The following NFIB variants were observed in gnomAD, a reference collection of about 807,000 sequenced individuals.
The protein encoded by NFIB is nuclear factor 1 B-type.
Under a neutral mutation model 61.5 loss-of-function variants are expected in NFIB, and 11 were observed. The observed-to-expected ratio is 0.18, with a 90% confidence interval of 0.11 to 0.30. NFIB has a LOEUF of 0.30. NFIB is among the 10% of genes least tolerant of loss of function. The pLI, the probability that NFIB is intolerant of heterozygous loss-of-function variation, is 1.00. For missense variants in NFIB, 471 were observed against 608.9 expected (o/e 0.77, Z 2.38); for synonymous variants, 260 against 216.5 (o/e 1.20, Z -1.76).
intron 1 of NFIB, among the ~76,000 whole-genome samples, chr9:14,386,184 C>T (rs1169454926): frequency 6.6e-6 from 1 of 152,108 alleles, no homozygotes; most frequent in African/African-American, 2.4e-5. Flanking sequence ...TACACTTGTC[C>T]AAAATTTAAA....
At chr9:14,333,584 G>A (rs540948751) in intron 1 of NFIB, among the ~76,000 whole-genome samples, 2 of 152,260 alleles carry the variant, frequency 1.3e-5, no homozygotes, top group South Asian at 4.1e-4. Flanking sequence ...TCACTGAAAA[G>A]AGTCACTTCA....
chr9:14,298,647 C>T (rs568980091), intron 2 of NFIB, among the ~76,000 whole-genome samples: 6 of 152,216 alleles, frequency 3.9e-5, no homozygotes, highest in South Asian at 2.1e-4. Flanking sequence ...TGCAGACGGA[C>T]GCCTTGAATC....
At chr9:14,218,484 G>A (rs529858288) in intron 2 of NFIB, among the ~76,000 whole-genome samples, 9 of 152,264 alleles carry the variant, frequency 5.9e-5, no homozygotes, top group South Asian at 2.1e-4. Flanking sequence ...AATGTGAGAC[G>A]CTGAAGGTGC....
intron 1 of NFIB, among the ~76,000 whole-genome samples, chr9:14,355,030 T>C: frequency 6.6e-6 from 1 of 151,266 alleles, no homozygotes; most frequent in South Asian, 2.1e-4. Context: ...GCTTCAGGGA[T>C]GGGGAGATGC....
chr9:14,352,507 G>A (rs1408109261), intron 1 of NFIB, among the ~76,000 whole-genome samples: 1 of 152,186 alleles, frequency 6.6e-6, no homozygotes, highest in Non-Finnish European at 1.5e-5. Flanking sequence ...TCCTGCCCCT[G>A]CCTGGCTCCT....
intron 7 of NFIB, among the ~76,000 whole-genome samples, chr9:14,123,045 G>A (rs771922899): frequency 4.6e-5 from 7 of 152,006 alleles, no homozygotes; most frequent in Non-Finnish European, 7.4e-5. Context: ...CTTGAGGTCA[G>A]ATGTTCGAGA....
chr9:14,418,823 A>G, the NFIB span, among the ~76,000 whole-genome samples: 8 of 152,154 alleles, frequency 5.3e-5, no homozygotes, highest in African/African-American at 1.9e-4. Context: ...AATTATTTTT[A>G]TTGGTGCGTT....
At chr9:14,511,564 G>C in the NFIB span, among the ~76,000 whole-genome samples, 3 of 152,110 alleles carry the variant, frequency 2.0e-5, no homozygotes, top group Admixed American at 2.0e-4. Flanking sequence ...TTTTACACAA[G>C]AAAACTGAAA....
the NFIB span, among the ~76,000 whole-genome samples, chr9:14,445,129 G>A: frequency 6.6e-6 from 1 of 152,086 alleles, no homozygotes; most frequent in African/African-American, 2.4e-5. Flanking sequence ...ACTATTTGTT[G>A]CTGGTATATA....
At chr9:14,281,285 T>C (rs751247880) in intron 2 of NFIB, among the ~76,000 whole-genome samples, 2 of 152,186 alleles carry the variant, frequency 1.3e-5, no homozygotes, top group Non-Finnish European at 2.9e-5. Context: ...TTCAGAAAAC[T>C]ATTAACTGTA....
At position 14,096,858 on chromosome 9, in the gene NFIB, T is replaced by C. The variant is rs1186033994; in HGVS notation, c.1468-8532A>G. Among the ~76,000 whole-genome samples, 4 of 152,198 alleles carry C rather than the reference T, an allele frequency of 2.6e-5. No homozygotes were observed. The East Asian group carries it at 7.7e-4, about 29-fold the overall frequency. On this transcript the variant is annotated intron_variant, in intron 10 of 10. Coordinates refer to ENST00000380953, the MANE Select transcript of NFIB (RefSeq NM_001190737.2). ...GATTATCTAATGGCATCTTAATGGA[T>C]TGCTGACCCATTTCCTGTGGGATGG... is the stretch of plus-strand genomic sequence containing the variant.
Position 14,086,126 on chromosome 9 carries a change from C to G in NFIB, c.*2183G>C. The G allele has an allele frequency of 4.4e-6, 1 of 224,894 alleles. No individual in the cohort carries two copies. The highest frequency in any genetic ancestry group is 6.4e-5 in the East Asian group (1 of 15,658). The allele number at this position is 224,894 out of a possible 1,614,324, so 13.9% of individuals were successfully genotyped here. On this transcript the variant is annotated 3_prime_UTR_variant, in exon 11 of 11. Coordinates refer to ENST00000380953, the MANE Select transcript of NFIB (RefSeq NM_001190737.2). ...CCAGGTGGGAAGTTAGAGAGGGGAA[C>G]CTGTGTAAGTTGAAGTTTGTCACAG...
At chr9:14,480,345 G>T in the NFIB span, among the ~76,000 whole-genome samples, 6 of 152,084 alleles carry the variant, frequency 3.9e-5, no homozygotes, top group African/African-American at 1.4e-4. Flanking sequence ...CCAGTCAAAA[G>T]CTCAAAGCAA....
chr9:14,150,056 T>G, intron 5 of NFIB, 89 bp downstream of exon 5: 1 of 1,546,510 alleles, frequency 6.5e-7, no homozygotes, highest in South Asian at 1.2e-5. Context: ...CCATCTCTCT[T>G]TACCTACCTA....
the NFIB span, among the ~76,000 whole-genome samples, chr9:14,479,236 T>G: frequency 3.3e-5 from 5 of 152,152 alleles, no homozygotes; most frequent in African/African-American, 1.2e-4. Context: ...AGCACCCTTG[T>G]GGGGGATTGC....
the NFIB span, among the ~76,000 whole-genome samples, chr9:14,521,134 CAAAG>C: frequency 6.6e-6 from 1 of 152,090 alleles, no homozygotes; most frequent in African/African-American, 2.4e-5. Flanking sequence ...GTGAGCAGGA[CAAAG>C]AAAGATTCAG....
chr9:14,311,233 A>C (rs986615301), intron 1 of NFIB, among the ~76,000 whole-genome samples: 5 of 152,062 alleles, frequency 3.3e-5, no homozygotes, highest in African/African-American at 1.2e-4. Context: ...TAGATACCTT[A>C]TTGCAACAAT....
intron 2 of NFIB, among the ~76,000 whole-genome samples, chr9:14,242,681 TTATGCA>T (rs1309218542): frequency 6.6e-6 from 1 of 152,224 alleles, no homozygotes; most frequent in African/African-American, 2.4e-5. Flanking sequence ...AGATTTCTTC[TTATGCA>T]TATCTTATCA....
intron 3 of NFIB, among the ~76,000 whole-genome samples, chr9:14,165,239 T>C (rs577837690): frequency 6.6e-6 from 1 of 152,268 alleles, no homozygotes; most frequent in South Asian, 2.1e-4. Context: ...CCTTAGGAAA[T>C]AAGACAAGCT....
Sources: allele counts gnomAD v4.1 joint callset (sites outside exome capture counted in the v4.1 genomes callset), GRCh38; gene constraint gnomAD v4.1.1; transcripts MANE v1.5; gene names NCBI Gene and HGNC (gene_info 2026-07-23, HGNC 2026-07-21).